CHN2: variants seen among roughly 807,000 people sequenced by gnomAD.
The protein encoded by CHN2 is beta-chimaerin.
CHN2 carries 35 observed loss-of-function variants against 56.3 expected under a neutral mutation model. That is an observed-to-expected ratio of 0.62 (90% CI 0.47 to 0.82). The LOEUF (loss-of-function observed/expected upper bound fraction) is 0.82, where lower values mean the gene tolerates loss of function less well. CHN2 is among the 40% of genes least tolerant of loss of function. CHN2 has a pLI of 0.00. For synonymous variants in CHN2, 210 were observed against 212.8 expected, an observed-to-expected ratio of 0.99 and a Z score of 0.12; for missense variants, 491 against 580.5, an observed-to-expected ratio of 0.85 and a Z score of 1.58.
chr7:29,358,563 C>T (rs903761820), intron 2 of CHN2, among the ~76,000 whole-genome samples: 5 of 152,026 alleles, frequency 3.3e-5, no homozygotes, highest in Non-Finnish European at 5.9e-5. Context: ...CCCGAGTTCA[C>T]GCCATTCTCC....
At chr7:29,155,311 A>C (rs557797701) in intron 2 of CHN2, among the ~76,000 whole-genome samples, 1 of 152,214 alleles carries the variant, frequency 6.6e-6, no homozygotes, top group Non-Finnish European at 1.5e-5. Flanking sequence ...TATCAAAAAT[A>C]AATAAATAGA....
intron 1 of CHN2, among the ~76,000 whole-genome samples, chr7:29,295,722 C>A (rs1011070061): frequency 8.5e-5 from 13 of 152,224 alleles, no homozygotes; most frequent in African/African-American, 3.1e-4. Context: ...CTACTTACTT[C>A]TTTTCATAAT....
intron 6 of CHN2, among the ~76,000 whole-genome samples, chr7:29,412,318 G>GGC (rs1803294113): frequency 9.2e-6 from 1 of 108,290 alleles, no homozygotes; most frequent in African/African-American, 4.1e-5. Context: ...CTGCTAAAGA[G>GGC]TCTTTTTTTT....
At chr7:29,473,609 G>C (rs2128532055) in intron 6 of CHN2, among the ~76,000 whole-genome samples, 1 of 151,828 alleles carries the variant, frequency 6.6e-6, no homozygotes, top group Non-Finnish European at 1.5e-5. Flanking sequence ...CATCACCTGT[G>C]TACCGATCAG....
At chr7:29,363,877 A>G (rs1002798319) in intron 2 of CHN2, among the ~76,000 whole-genome samples, 6 of 152,086 alleles carry the variant, frequency 3.9e-5, no homozygotes, top group Non-Finnish European at 7.4e-5. Context: ...GGCATGGGAG[A>G]TATAAACCAG....
chr7:29,442,141 C>T (rs1783693266), intron 6 of CHN2, among the ~76,000 whole-genome samples: 1 of 152,250 alleles, frequency 6.6e-6, no homozygotes, highest in East Asian at 1.9e-4. Flanking sequence ...CATGCATGAA[C>T]TTTGAATTGT....
intron 1 of CHN2, among the ~76,000 whole-genome samples, chr7:29,298,672 C>G (rs1288244268): frequency 2.0e-5 from 3 of 152,190 alleles, no homozygotes; most frequent in Non-Finnish European, 4.4e-5. Flanking sequence ...ACTAGAATAT[C>G]GATCCAGGTT....
At chr7:29,417,975 C>G (rs753786742) in intron 6 of CHN2, among the ~76,000 whole-genome samples, 2 of 152,142 alleles carry the variant, frequency 1.3e-5, no homozygotes, top group Non-Finnish European at 2.9e-5. Context: ...GCTGGAGAGT[C>G]GCTTCTGAAG....
chr7:29,198,065 G>T (rs1449942629), intron 1 of CHN2: 4 of 455,804 alleles, frequency 8.8e-6, no homozygotes, highest in Non-Finnish European at 1.8e-5. Context: ...GCACAGAGCT[G>T]CCAGCTCACT....
In CHN2 at chr7:29,437,307, A is replaced by G. The variant is rs541963145; in HGVS notation, c.576+36479A>G. On this transcript the variant is annotated intron_variant, in intron 6 of 12. Transcript: ENST00000222792. ...TGCATATCTTCTCAGCATTTAAGAT[A>G]TCTAAAACCGGCTGGGCGCGGTGGC... 1.8e-4 allele frequency among the ~76,000 whole-genome samples: 25 copies of G among 138,652 alleles called. 2 individuals carry two copies. The highest frequency in any genetic ancestry group is 1.2e-3 in the Admixed American group (17 of 14,366). The allele number at this position is 138,652 out of a possible 152,430, so 91.0% of individuals were successfully genotyped here.
chr7:29,343,025 A>G (rs1312239914), intron 1 of CHN2, among the ~76,000 whole-genome samples: 1 of 152,250 alleles, frequency 6.6e-6, no homozygotes, highest in African/African-American at 2.4e-5. Flanking sequence ...GAATAAATGA[A>G]TACCCAAAAG....
In CHN2 at chr7:29,509,152, A is replaced by G. The variant is rs1790972579; in HGVS notation, c.1130-149A>G. The G allele has an allele frequency of 4.9e-6, 3 of 612,296 alleles. No individual in the cohort carries two copies. In the South Asian group the frequency reaches 5.5e-5, roughly 11 times the overall value. 37.9% of individuals were successfully genotyped at this position (612,296 alleles called of 1,614,324 possible). A position where few individuals can be genotyped will look rare whatever the true frequency, so the allele number is the denominator to read the frequency against. The stretch of plus-strand genomic sequence containing the variant: ...CTTTCCTGAATGACACAGGACACCA[A>G]CAAATTGATTAAGTGAAACAGTGCT... On this transcript the variant is annotated intron_variant, in intron 11 of 12. Transcript: ENST00000222792.
intron 2 of CHN2, among the ~76,000 whole-genome samples, chr7:29,181,730 C>T (rs1313833988): frequency 1.3e-5 from 2 of 152,156 alleles, no homozygotes; most frequent in African/African-American, 2.4e-5. Context: ...AAAGTAGACA[C>T]TAATGATCTT....
At chr7:29,160,014 A>G (rs1189029993) in intron 2 of CHN2, among the ~76,000 whole-genome samples, 1 of 152,232 alleles carries the variant, frequency 6.6e-6, no homozygotes, top group Non-Finnish European at 1.5e-5. Flanking sequence ...CCTGTCCATC[A>G]GCACACAGTG....
intron 1 of CHN2, among the ~76,000 whole-genome samples, chr7:29,327,554 C>CT (rs530404481): frequency 4.6e-4 from 70 of 152,298 alleles, no homozygotes; most frequent in African/African-American, 1.6e-3. Context: ...ACTGGAGACT[C>CT]TAAGTATCCG....
chr7:29,328,027 G>A (rs912221636), intron 1 of CHN2, among the ~76,000 whole-genome samples: 2 of 152,152 alleles, frequency 1.3e-5, no homozygotes, highest in Non-Finnish European at 2.9e-5. Context: ...TGAACAGAAA[G>A]CTGAGATACT....
chr7:29,394,944 A>G (rs1231959770), intron 4 of CHN2, among the ~76,000 whole-genome samples: 2 of 152,246 alleles, frequency 1.3e-5, no homozygotes, highest in Non-Finnish European at 2.9e-5. Context: ...CTTAACTACC[A>G]AAAGGAACAT....
At position 29,398,496 on chromosome 7, in the gene CHN2, A is replaced by G; in HGVS notation, c.290+10A>G. On this transcript the variant is annotated intron_variant, in intron 5 of 12. Transcript: ENST00000222792. ...ACACGCTGGCTCTCAGGTGAGGCGCATTTCATTCCTTGTTTTCATTGCTGT... is the reference window on the plus strand; with the variant it reads ...ACACGCTGGCTCTCAGGTGAGGCGCGTTTCATTCCTTGTTTTCATTGCTGT... 1 of 1,559,264 alleles carries G rather than the reference A, an allele frequency of 6.4e-7. No homozygotes were observed. The highest frequency in any genetic ancestry group is 8.8e-7 in the Non-Finnish European group (1 of 1,131,848).
chr7:29,257,387 G>A (rs1789158460), intron 1 of CHN2, among the ~76,000 whole-genome samples: 1 of 152,096 alleles, frequency 6.6e-6, no homozygotes, highest in East Asian at 1.9e-4. Flanking sequence ...CAGCAGTTTG[G>A]TGGTCTTCAC....
Sources: allele counts gnomAD v4.1 joint callset (sites outside exome capture counted in the v4.1 genomes callset), GRCh38; gene constraint gnomAD v4.1.1; transcripts MANE v1.5; gene names NCBI Gene and HGNC (gene_info 2026-07-23, HGNC 2026-07-21).